POLR1C: variants seen among roughly 807,000 people sequenced by gnomAD.
POLR1C encodes DNA-directed RNA polymerases I and III subunit RPAC1.
Under a neutral mutation model 38.3 loss-of-function variants are expected in POLR1C, and 42 were observed. The observed-to-expected ratio is 1.10, with a 90% confidence interval of 0.86 to 1.42. The LOEUF is 1.42. POLR1C is among the 40% of genes most tolerant of loss of function. The probability of loss-of-function intolerance (pLI) is 0.00; values close to 1 mark genes in which losing one functional copy is unlikely to be tolerated. For missense variants in POLR1C, 507 were observed against 450.5 expected, an observed-to-expected ratio of 1.13 and a Z score of -1.14; for synonymous variants, 163 against 163.9, an observed-to-expected ratio of 0.99 and a Z score of 0.04.
At chr6:43,521,097 G>C (rs1426725537) in intron 8 of POLR1C, 49 bp downstream of exon 8, 1 of 1,594,732 alleles carries the variant, frequency 6.3e-7, no homozygotes, top group Non-Finnish European at 8.6e-7. Flanking sequence ...TGGTGCTGCA[G>C]CTTCCTTCCA....
At chr6:43,547,365 G>A (rs1795012149) in intron 9 of POLR1C, 2 of 579,736 alleles carry the variant, frequency 3.4e-6, no homozygotes, top group Admixed American at 2.6e-5. Context: ...TCAGTCTTCA[G>A]AGCTATTTAG....
intron 9 of POLR1C, chr6:43,538,770 TC>T: frequency 1.5e-6 from 1 of 651,608 alleles, no homozygotes; most frequent in Non-Finnish European, 2.5e-6. Context: ...ACTACATTTT[TC>T]TTTTTTTTTT....
intron 9 of POLR1C, chr6:43,539,675 C>G: frequency 2.1e-6 from 2 of 967,988 alleles, no homozygotes; most frequent in East Asian, 2.6e-5. Context: ...GCCTCCAGGC[C>G]CCCCCACTGC....
chr6:43,543,386 G>A (rs893875778), intron 9 of POLR1C, among the ~76,000 whole-genome samples: 6 of 152,152 alleles, frequency 3.9e-5, no homozygotes, highest in South Asian at 2.1e-4. Flanking sequence ...CCATGAGGTC[G>A]AGGCTGCAGT....
intron 9 of POLR1C, chr6:43,547,797 G>A (rs910230892): frequency 2.7e-5 from 29 of 1,081,786 alleles, no homozygotes; most frequent in Middle Eastern, 2.0e-4. Flanking sequence ...TCATTATTTG[G>A]CCCTTAAGAG....
At chr6:43,525,005 C>G, downstream of POLR1C, 4 of 1,606,494 alleles carry the variant, frequency 2.5e-6, no homozygotes, top group Non-Finnish European at 2.5e-6. Flanking sequence ...CACAGGGGGC[C>G]TCTCTCAAGG....
intron 9 of POLR1C, among the ~76,000 whole-genome samples, chr6:43,535,216 C>CGCCACTGCACTCCAGCCTGG (rs1794241362): frequency 7.0e-6 from 1 of 143,402 alleles, no homozygotes; most frequent in Non-Finnish European, 1.5e-5. Flanking sequence ...GCCAAGACTG[C>CGCCACTGCACTCCAGCCTGG]GCCACTGCAC....
At chr6:43,518,542 C>T (rs1792964264) in intron 2 of POLR1C, among the ~76,000 whole-genome samples, 1 of 152,032 alleles carries the variant, frequency 6.6e-6, no homozygotes, top group East Asian at 1.9e-4. Context: ...CAGATAGTTG[C>T]TAAAACTGTT....
At chr6:43,528,953 T>C (rs777256955) in intron 8 of POLR1C, 3 of 1,597,584 alleles carry the variant, frequency 1.9e-6, no homozygotes, top group South Asian at 1.1e-5. Context: ...GAAATTTTAG[T>C]GCATAGGCAC....
At chr6:43,553,319 G>GA in intron 10 of POLR1C, 1 of 1,559,672 alleles carries the variant, frequency 6.4e-7, no homozygotes, top group South Asian at 1.2e-5. Flanking sequence ...AAAGAGAAAA[G>GA]AAAAGAAAAA....
chr6:43,558,609 A>G (rs1561881572), intron 10 of POLR1C: 1 of 1,560,058 alleles, frequency 6.4e-7, no homozygotes. Flanking sequence ...AAGAAAGGTA[A>G]TTGGGGTAGG....
intron 3 of POLR1C, 53 bp from the exon 4 acceptor site, chr6:43,519,653 G>T: frequency 6.2e-7 from 1 of 1,613,876 alleles, no homozygotes; most frequent in East Asian, 2.2e-5. Context: ...TACGGGGATA[G>T]GTAGGGGGTC....
rs1203885282 is a variant in POLR1C, at chr6:43,520,621, C to G, written c.656-4C>G. 1 of 1,614,028 alleles carries G rather than the reference C, an allele frequency of 6.2e-7. No individual in the cohort carries two copies. Among genetic ancestry groups the G allele is most frequent in the Non-Finnish European group, 8.5e-7 (1 of 1,180,022 alleles). On this transcript the variant is annotated splice_region_variant and splice_polypyrimidine_tract_variant and intron_variant, in intron 6 of 8. Coordinates refer to ENST00000642195, the MANE Select transcript of POLR1C (RefSeq NM_203290.4). ...CTATAGGCACGTTCCCTCTTCCTCT[C>G]CAGGCAAAGATCATGCCAAGTTTTC...
chr6:43,554,293 A>G (rs1434867000), intron 10 of POLR1C, among the ~76,000 whole-genome samples: 1 of 150,414 alleles, frequency 6.6e-6, no homozygotes, highest in East Asian at 1.9e-4. Flanking sequence ...TTTTTTTTTT[A>G]GTAGAGACGA....
At chr6:43,536,230 C>G (rs145891064) in intron 9 of POLR1C, among the ~76,000 whole-genome samples, 1,901 of 152,048 alleles carry the variant, frequency 0.013, 43 homozygotes, top group African/African-American at 0.044. Flanking sequence ...GCCTGGCCAA[C>G]ATGGTGAAAC....
chr6:43,559,782 G>A (rs1210079128), intron 10 of POLR1C, among the ~76,000 whole-genome samples: 1 of 152,166 alleles, frequency 6.6e-6, no homozygotes, highest in Non-Finnish European at 1.5e-5. Flanking sequence ...GAATCTTAGT[G>A]ATGAAGAAGG....
intron 8 of POLR1C, chr6:43,526,737 A>G: frequency 1.2e-6 from 2 of 1,613,842 alleles, no homozygotes; most frequent in Non-Finnish European, 8.5e-7. Context: ...TCTTTGAAAC[A>G]CAGCAAACCG....
intron 10 of POLR1C, chr6:43,561,154 A>G (rs1484291786): frequency 1.5e-6 from 1 of 656,134 alleles, no homozygotes; most frequent in Non-Finnish European, 2.6e-6. Flanking sequence ...AAAGAAAGGC[A>G]TCACTTCAAG....
chr6:43,547,472 GAGA>G (rs759277042), intron 9 of POLR1C: 2 of 763,254 alleles, frequency 2.6e-6, no homozygotes, highest in South Asian at 2.9e-5. Context: ...GAAAAGAAAG[GAGA>G]AGCTTAGGGA....
Sources: allele counts gnomAD v4.1 joint callset (sites outside exome capture counted in the v4.1 genomes callset), GRCh38; gene constraint gnomAD v4.1.1; transcripts MANE v1.5; gene names NCBI Gene and HGNC (gene_info 2026-07-23, HGNC 2026-07-21).